C17orf58: variants seen among roughly 807,000 people sequenced by gnomAD.
C17orf58 encodes the protein UPF0450 protein C17orf58.
In C17orf58, 5 loss-of-function variants were observed where a neutral mutation model predicts 7.4. That is an observed-to-expected ratio of 0.67 (90% CI 0.35 to 1.42). C17orf58 has a LOEUF of 1.42. Ranked by LOEUF, C17orf58 falls within the 40% of genes most tolerant of loss-of-function variation. The pLI, the probability that C17orf58 is intolerant of heterozygous loss-of-function variation, is 0.04. For synonymous variants in C17orf58, 60 were observed against 70.6 expected, an observed-to-expected ratio of 0.85 and a Z score of 0.75; for missense variants, 162 against 174.2, an observed-to-expected ratio of 0.93 and a Z score of 0.40.
chr17:67,991,845 G>A lies in C17orf58; in HGVS notation c.*68C>T, dbSNP rs1488154577. 2.2e-6 allele frequency: 3 copies of A among 1,369,706 alleles called. No individual in the cohort carries two copies. In the African/African-American group the frequency reaches 4.3e-5, roughly 20 times the overall value. 84.8% of individuals were successfully genotyped at this position (1,369,706 alleles called of 1,614,324 possible). A position where few individuals can be genotyped will look rare whatever the true frequency, so the allele number is the denominator to read the frequency against. On this transcript the variant is annotated 3_prime_UTR_variant, in exon 4 of 4. Coordinates refer to ENST00000580729, the MANE Select transcript of C17orf58 (RefSeq NM_001382359.1). ...CTGAAGGAGGACCCATTACATGAAG[G>A]TAGACCTTTCATGTCTTGTTGCCGA...
Position 67,993,397 on chromosome 17 carries a change from GGGCGGCGGCGC to G in C17orf58, c.637+16_637+26del. On this transcript the variant is annotated intron_variant, in intron 2 of 3. Coordinates refer to ENST00000580729, the MANE Select transcript of C17orf58 (RefSeq NM_001382359.1). The surrounding 1 kb of genome is among the most constrained non-coding windows in gnomAD (Gnocchi z 5.1). ...GCTCGGAAAGGCTCGCGGGGCGGCG[GGGCGGCGGCGC>G]GGCGGCCGGGCTCACCGAATTCGCT... The G allele has an allele frequency of 5.2e-6, 3 of 579,200 alleles. No individual in the cohort carries two copies. The highest frequency in any genetic ancestry group is 9.1e-6 in the Non-Finnish European group (3 of 330,126). 35.9% of individuals were successfully genotyped at this position (579,200 alleles called of 1,614,324 possible).
rs1555699459 is a variant in C17orf58, at chr17:67,993,347, G to A, written c.637+77C>T. ...CGGCCCGCACGGGTCAGGCGCCCTGGGATCTCGCGGGCGGATTCTCCGGGG... is the reference window on the plus strand; with the variant it reads ...CGGCCCGCACGGGTCAGGCGCCCTGAGATCTCGCGGGCGGATTCTCCGGGG... On this transcript the variant is annotated intron_variant, in intron 2 of 3. Coordinates refer to ENST00000580729, the MANE Select transcript of C17orf58 (RefSeq NM_001382359.1). The surrounding 1 kb of genome is among the most constrained non-coding windows in gnomAD (Gnocchi z 5.1). 6.0e-6 allele frequency: 4 copies of A among 670,524 alleles called. No individual in the cohort carries two copies. Among genetic ancestry groups the A allele is most frequent in the Non-Finnish European group, 7.5e-6 (3 of 397,514 alleles). 41.5% of individuals were successfully genotyped at this position (670,524 alleles called of 1,614,324 possible).
Position 67,992,022 on chromosome 17 carries a change from C to A in C17orf58, c.911G>T (p.Arg304Leu), listed in dbSNP as rs782365271. The stretch of plus-strand genomic sequence containing the variant: ...TAGCAGTCCATCCCCTGGACGGAGG[C>A]GGCCTCTCAGGACCTGGAGCAGAGC... Reference protein sequence around the residue: ...PTALLQVLRGRLRPGDGLLRS... With the variant: ...PTALLQVLRGLLRPGDGLLRS... The change falls in exon 4 of 4, where the codon CGC (arginine) becomes CTC (leucine). Residue 304 changes from arginine (R) to leucine (L), a missense_variant. Coordinates refer to ENST00000580729, the MANE Select transcript of C17orf58 (RefSeq NM_001382359.1). 3 of 1,612,762 alleles carry A rather than the reference C, an allele frequency of 1.9e-6. No individual in the cohort carries two copies. The highest frequency in any genetic ancestry group is 2.2e-5 in the South Asian group (2 of 90,650).
At position 67,993,656 on chromosome 17, in the gene C17orf58, G is replaced by T. The variant is rs1555699502; in HGVS notation, c.405C>A (p.Pro135=). 6.8e-6 allele frequency: 1 copy of T among 146,114 alleles called. No homozygotes were observed. Among genetic ancestry groups the T allele is most frequent in the African/African-American group, 2.5e-5 (1 of 40,464 alleles). 9.1% of individuals were successfully genotyped at this position (146,114 alleles called of 1,614,324 possible). A position where few individuals can be genotyped will look rare whatever the true frequency, so the allele number is the denominator to read the frequency against. Reference sequence around the variant, plus strand: ...TGGCGAGCGCGGGCGGCCGGGCGGCGGGGAAGCGCAGGGCCCGTGAGCGCG... The same window carrying T: ...TGGCGAGCGCGGGCGGCCGGGCGGCTGGGAAGCGCAGGGCCCGTGAGCGCG... ...RRARSRALRF[P]AARPPALATE... Residue 135 remains proline, a synonymous_variant, in exon 2 of 4, where the codon CCC becomes CCA. Transcript: ENST00000580729. This position sits in a 1 kb window ranked among gnomAD's most constrained non-coding sequence, Gnocchi z 5.1.
Position 67,993,214 on chromosome 17 carries a change from T to C in C17orf58, c.659A>G (p.Asp220Gly). 1 of 1,594,858 alleles carries C rather than the reference T, an allele frequency of 6.3e-7. No homozygotes were observed. The highest frequency in any genetic ancestry group is 8.6e-7 in the Non-Finnish European group (1 of 1,166,886). The part of the protein sequence containing the change: ...SEFAVNGIVH[D>G]VDVLGAGIRL... ...GATGCCCGCGCCCAGCACGTCCACA[T>C]CGTGCACGATCCCGTTCACCGCTGC... The change falls in exon 3 of 4, where the codon GAT (aspartate) becomes GGT (glycine). Residue 220 changes from aspartate to glycine, a missense_variant. By Grantham distance (94) the Asp-to-Gly change is moderately conservative. This residue lies in a region of C17orf58 where 93 missense variants were observed against 90.4 expected (regional missense o/e 1.03). Coordinates refer to ENST00000580729, the MANE Select transcript of C17orf58 (RefSeq NM_001382359.1). The surrounding 1 kb of genome is among the most constrained non-coding windows in gnomAD (Gnocchi z 5.1).
At position 67,992,024 on chromosome 17, in the gene C17orf58, G is replaced by A; in HGVS notation, c.909C>T (p.Gly303=). 6.2e-7 allele frequency: 1 copy of A among 1,612,740 alleles called. No homozygotes were observed. The highest frequency in any genetic ancestry group is 8.5e-7 in the Non-Finnish European group (1 of 1,179,438). The change falls in exon 4 of 4, where the codon GGC becomes GGT. Residue 303 remains glycine (G), a synonymous_variant. Transcript: ENST00000580729. ...LPTALLQVLR[G]RLRPGDGLLR... ...GCAGTCCATCCCCTGGACGGAGGCGGCCTCTCAGGACCTGGAGCAGAGCTG... is the reference window on the plus strand; with the variant it reads ...GCAGTCCATCCCCTGGACGGAGGCGACCTCTCAGGACCTGGAGCAGAGCTG...
chr17:67,994,491 TGC>T (rs1395816544), intron 1 of C17orf58, among the ~76,000 whole-genome samples: 24 of 59,060 alleles, frequency 4.1e-4, no homozygotes, highest in South Asian at 3.0e-3. Context: ...TGTGTGCGTG[TGC>T]GTGTGTGTGT....
At chr17:67,995,697 C>T (rs1193048730) in intron 1 of C17orf58, among the ~76,000 whole-genome samples, 2 of 152,192 alleles carry the variant, frequency 1.3e-5, no homozygotes, top group Non-Finnish European at 2.9e-5. Flanking sequence ...ATTTCGGCCC[C>T]GCTTCCCCCC....
At position 67,993,127 on chromosome 17, in the gene C17orf58, G is replaced by A. The variant is rs781794923; in HGVS notation, c.746C>T (p.Thr249Ile). 1.8e-5 allele frequency: 29 copies of A among 1,613,930 alleles called. No homozygotes were observed. The South Asian group carries it at 3.1e-4, about 17-fold the overall frequency. Reference sequence around the variant, plus strand: ...GACTCGGAAGAAGAAGCCGTCGGGGGTGAGGTACAGGCGGTTCATCTTGTA... The same window carrying A: ...GACTCGGAAGAAGAAGCCGTCGGGGATGAGGTACAGGCGGTTCATCTTGTA... ...GLYKMNRLYL[T>I]PDGFFFRVHM... Residue 249 changes from threonine to isoleucine, a missense_variant, in exon 3 of 4, where the codon ACC (threonine) becomes ATC (isoleucine). Thr to Ile is a moderately conservative substitution (Grantham distance 89). Coordinates refer to ENST00000580729, the MANE Select transcript of C17orf58 (RefSeq NM_001382359.1). The surrounding 1 kb of genome is among the most constrained non-coding windows in gnomAD (Gnocchi z 5.1).
Position 67,991,485 on chromosome 17 carries a change from C to A in C17orf58, c.*428G>T, listed in dbSNP as rs75313977. The stretch of plus-strand genomic sequence containing the variant: ...TGACTAGTGCGCTTACTGTTATGTA[C>A]AGAATTTAAAATGTGATCGTTTGAA... On this transcript the variant is annotated 3_prime_UTR_variant, in exon 4 of 4. Transcript: ENST00000580729. The A allele has an allele frequency of 0.11, 16,595 of 148,710 alleles. No homozygotes were observed. Among genetic ancestry groups the A allele is most frequent in the Non-Finnish European group, 0.17 (11,315 of 65,862 alleles). 9.2% of individuals were successfully genotyped at this position (148,710 alleles called of 1,614,324 possible). A position where few individuals can be genotyped will look rare whatever the true frequency, so the allele number is the denominator to read the frequency against.
rs1369620187 is a variant in C17orf58 at position 67,993,814 on chromosome 17, G to T, written c.247C>A (p.Pro83Thr). 3.6e-6 allele frequency: 1 copy of T among 277,842 alleles called. No homozygotes were observed. Among genetic ancestry groups the T allele is most frequent in the Non-Finnish European group, 6.5e-6 (1 of 153,140 alleles). 17.2% of individuals were successfully genotyped at this position (277,842 alleles called of 1,614,324 possible). The change falls in exon 2 of 4, where the codon CCG (proline) becomes ACG (threonine). Residue 83 changes from proline to threonine, a missense_variant. Transcript: ENST00000580729. The surrounding 1 kb of genome is among the most constrained non-coding windows in gnomAD (Gnocchi z 5.1). ...CGGAAGCTGGCCTGGTTGTCGGCCG[G>T]CGGTGGGGGCTTCCGGCGGCGCGGG... ...PDPRRRKPPP[P>T]ADNQASFREA...
intron 1 of C17orf58, among the ~76,000 whole-genome samples, chr17:67,994,809 CAG>C (rs1193835799): frequency 1.3e-5 from 2 of 151,950 alleles, no homozygotes; most frequent in Admixed American, 6.6e-5. Context: ...GGCTGGGAGG[CAG>C]AGAGGCCCCT....
At chr17:67,992,895 T>A (rs782137706) in intron 3 of C17orf58, 149 bp downstream of exon 3, 1 of 1,613,450 alleles carries the variant, frequency 6.2e-7, no homozygotes, top group African/African-American at 1.3e-5. Flanking sequence ...GTGGCCGGAA[T>A]AATACCTGTC....
rs1263093859 is a variant in C17orf58 at position 67,993,385 on chromosome 17, CGCGGGGCG to C, written c.637+31_637+38del. 1.9e-5 allele frequency: 11 copies of C among 591,522 alleles called. No homozygotes were observed. Among genetic ancestry groups the C allele is most frequent in the South Asian group, 4.3e-5 (2 of 46,150 alleles). The allele number at this position is 591,522 out of a possible 1,614,324, so 36.6% of individuals were successfully genotyped here. A position where few individuals can be genotyped will look rare whatever the true frequency, so the allele number is the denominator to read the frequency against. On this transcript the variant is annotated intron_variant, in intron 2 of 3. Coordinates refer to ENST00000580729, the MANE Select transcript of C17orf58 (RefSeq NM_001382359.1). This position sits in a 1 kb window ranked among gnomAD's most constrained non-coding sequence, Gnocchi z 5.1. ...GGATTCTCCGGGGCTCGGAAAGGCT[CGCGGGGCG>C]GCGGGGCGGCGGCGCGGCGGCCGGG... is the stretch of plus-strand genomic sequence containing the variant.
At position 67,994,516 on chromosome 17, in the gene C17orf58, G is replaced by GTATATA. The variant is rs1555699618; in HGVS notation, c.77-538_77-533dup. 7.4e-3 allele frequency among the ~76,000 whole-genome samples: 659 copies of GTATATA among 89,526 alleles called. 15 individuals carry two copies. Among genetic ancestry groups the GTATATA allele is most frequent in the African/African-American group, 0.024 (632 of 26,716 alleles). 58.7% of individuals were successfully genotyped at this position (89,526 alleles called of 152,430 possible). A position where few individuals can be genotyped will look rare whatever the true frequency, so the allele number is the denominator to read the frequency against. ...TGCGTGTGTGTGTGTGTGTGTGTGTGTATATATATATATATATATAAAACA... is the reference window on the plus strand; with the variant it reads ...TGCGTGTGTGTGTGTGTGTGTGTGTGTATATATATATATATATATATATATAAAACA... On this transcript the variant is annotated intron_variant, in intron 1 of 3. Transcript: ENST00000580729.
rs1347846911 is a variant in C17orf58, at chr17:67,993,125, G to C, written c.748C>G (p.Pro250Ala). 3.7e-6 allele frequency: 6 copies of C among 1,613,976 alleles called. No individual in the cohort carries two copies. The African/African-American group carries it at 6.7e-5, about 18-fold the overall frequency. ...LYKMNRLYLT[P>A]DGFFFRVHML... ...TGGACTCGGAAGAAGAAGCCGTCGG[G>C]GGTGAGGTACAGGCGGTTCATCTTG... is the stretch of plus-strand genomic sequence containing the variant. The change falls in exon 3 of 4, where the codon CCC (proline) becomes GCC (alanine). Residue 250 changes from proline to alanine, a missense_variant. Pro to Ala is a conservative substitution (Grantham distance 27, BLOSUM62 -1). This residue lies in a region of C17orf58 where 93 missense variants were observed against 90.4 expected (regional missense o/e 1.03). Coordinates refer to ENST00000580729, the MANE Select transcript of C17orf58 (RefSeq NM_001382359.1). This position sits in a 1 kb window ranked among gnomAD's most constrained non-coding sequence, Gnocchi z 5.1.
chr17:67,992,060 C>CCGT lies in C17orf58; in HGVS notation c.870_872dup (p.Arg291dup). On this transcript the variant is annotated inframe_insertion, in exon 4 of 4. Transcript: ENST00000580729. ...CCTGGAGCAGAGCTGTAGGGAGCTGCCGTCTCTTATGGTAGATGTGGCCCA... is the reference window on the plus strand; with the variant it reads ...CCTGGAGCAGAGCTGTAGGGAGCTGCCGTCGTCTCTTATGGTAGATGTGGCCCA... 6.2e-7 allele frequency: 1 copy of CCGT among 1,609,270 alleles called. No individual in the cohort carries two copies. The highest frequency in any genetic ancestry group is 8.5e-7 in the Non-Finnish European group (1 of 1,178,102).
At chr17:67,995,482 T>C (rs377321661) in intron 1 of C17orf58, among the ~76,000 whole-genome samples, 3 of 152,238 alleles carry the variant, frequency 2.0e-5, no homozygotes, top group East Asian at 3.8e-4. Context: ...TTCCCAGAGA[T>C]AGCGAAGCCG....
At chr17:67,992,609 GACC>G (rs1214934384) in intron 3 of C17orf58, among the ~76,000 whole-genome samples, 48 of 143,756 alleles carry the variant, frequency 3.3e-4, no homozygotes, top group Non-Finnish European at 1.1e-4. Flanking sequence ...TATGTAACCG[GACC>G]ACATTACAGA....
Sources: allele counts gnomAD v4.1 joint callset (sites outside exome capture counted in the v4.1 genomes callset), GRCh38; gene constraint gnomAD v4.1.1; regional missense constraint gnomAD v4.1.1; non-coding constraint Gnocchi (gnomAD v3.1); transcripts MANE v1.5; gene names NCBI Gene and HGNC (gene_info 2026-07-23, HGNC 2026-07-21).